PRRC2B: variants seen among roughly 807,000 people sequenced by gnomAD.
PRRC2B encodes protein PRRC2B.
PRRC2B carries 68 observed loss-of-function variants against 242.3 expected under a neutral mutation model. That is an observed-to-expected ratio of 0.28 (90% CI 0.23 to 0.34). PRRC2B has a LOEUF of 0.34. Among genes scored for constraint, PRRC2B ranks in the 10% least tolerant of loss-of-function variants. The pLI, the probability that PRRC2B is intolerant of heterozygous loss-of-function variation, is 1.00. For synonymous variants in PRRC2B, 1,228 were observed against 1,173.6 expected (o/e 1.05, Z -0.95); for missense variants, 2,835 against 2,954.8 (o/e 0.96, Z 0.94).
rs2131494373 is a variant in PRRC2B, at chr9:131,495,999, C to G, written c.*125C>G. 1 of 1,287,008 alleles carries G rather than the reference C, an allele frequency of 7.8e-7. No individual in the cohort carries two copies. The allele number at this position is 1,287,008 out of a possible 1,614,324, so 79.7% of individuals were successfully genotyped here. A position where few individuals can be genotyped will look rare whatever the true frequency, so the allele number is the denominator to read the frequency against. ...AAATGCGTGGCCCAGACTGAGAGAC[C>G]TCCCTCCTCTCCACTCCCGAAAGCT... is the stretch of plus-strand genomic sequence containing the variant. On this transcript the variant is annotated 3_prime_UTR_variant, in exon 32 of 32. Transcript: ENST00000683519.
At chr9:131,415,134 C>T (rs1837613011) in intron 1 of PRRC2B, among the ~76,000 whole-genome samples, 1 of 152,042 alleles carries the variant, frequency 6.6e-6, no homozygotes, top group Non-Finnish European at 1.5e-5. Context: ...GCTGGGACTA[C>T]AGGTGTGCGC....
chr9:131,378,567 G>A (rs1836715018), intron 1 of PRRC2B, among the ~76,000 whole-genome samples: 1 of 152,100 alleles, frequency 6.6e-6, no homozygotes, highest in Non-Finnish European at 1.5e-5. Flanking sequence ...TTTCCCAAGC[G>A]CTCAGCCTCC....
At chr9:131,393,431 G>A (rs987130372), upstream of PRRC2B, among the ~76,000 whole-genome samples, 3 of 152,104 alleles carry the variant, frequency 2.0e-5, no homozygotes, top group Admixed American at 1.3e-4. Flanking sequence ...GCAGTCTCCC[G>A]GACCTTTTGT....
rs200362063 is a variant in PRRC2B at position 131,479,400 on chromosome 9, G to A, written c.4900+7G>A. On this transcript the variant is annotated splice_region_variant and intron_variant, in intron 19 of 31. Transcript: ENST00000683519. ...TGGGAGAGCAGCAGCCAGGGTGAGA[G>A]TTGGGGGTGTGACCCCAGCTGTGGC... is the stretch of plus-strand genomic sequence containing the variant. 6.2e-7 allele frequency: 1 copy of A among 1,612,394 alleles called. No homozygotes were observed. The highest frequency in any genetic ancestry group is 1.3e-5 in the African/African-American group (1 of 75,046).
intron 1 of PRRC2B, among the ~76,000 whole-genome samples, chr9:131,396,320 CTTTTCTTTTT>C (rs1274454588): frequency 5.4e-5 from 7 of 130,550 alleles, no homozygotes; most frequent in Non-Finnish European, 8.1e-5. Context: ...TTTTTCTTTT[CTTTTCTTTTT>C]TTTTTTTTTT....
In PRRC2B at chr9:131,446,531, C is replaced by A. The variant is rs771313786; in HGVS notation, c.744C>A (p.Ser248Arg). The change falls in exon 7 of 32, where the codon AGC becomes AGA. Residue 248 changes from serine to arginine, a missense_variant. Coordinates refer to ENST00000683519, the MANE Select transcript of PRRC2B (RefSeq NM_013318.4). The surrounding 1 kb of genome is among the most constrained non-coding windows in gnomAD (Gnocchi z 4.1). ...GAGCCCCCTCCTCGGCATGTACCAG[C>A]GATTCTAAGGACCCCTCTCTCCGCC... The part of the protein sequence containing the change: ...GDGAPSSACT[S>R]DSKDPSLRPA... 1.9e-6 allele frequency: 3 copies of A among 1,613,900 alleles called. No individual in the cohort carries two copies. In the African/African-American group the frequency reaches 4.0e-5, roughly 22 times the overall value.
chr9:131,388,947 TCTC>T (rs1291895985), intron 1 of PRRC2B, among the ~76,000 whole-genome samples: 1 of 148,848 alleles, frequency 6.7e-6, no homozygotes, highest in Non-Finnish European at 1.5e-5. Flanking sequence ...TTCAACCAAT[TCTC>T]CTGCCTCGTC....
Position 131,495,991 on chromosome 9 carries a change from T to A in PRRC2B, c.*117T>A. On this transcript the variant is annotated 3_prime_UTR_variant, in exon 32 of 32. Transcript: ENST00000683519. Reference sequence around the variant, plus strand: ...CACCGTCCAAATGCGTGGCCCAGACTGAGAGACCTCCCTCCTCTCCACTCC... The same window carrying A: ...CACCGTCCAAATGCGTGGCCCAGACAGAGAGACCTCCCTCCTCTCCACTCC... 1 of 1,383,992 alleles carries A rather than the reference T, an allele frequency of 7.2e-7. No homozygotes were observed. Among genetic ancestry groups the A allele is most frequent in the East Asian group, 2.4e-5 (1 of 41,522 alleles). The allele number at this position is 1,383,992 out of a possible 1,614,324, so 85.7% of individuals were successfully genotyped here.
At chr9:131,447,881 GGC>G in intron 9 of PRRC2B, 77 bp downstream of exon 9, 1 of 1,468,096 alleles carries the variant, frequency 6.8e-7, no homozygotes, top group Non-Finnish European at 9.2e-7. Context: ...GAAACCCCCT[GGC>G]ACCACCGTGT....
chr9:131,475,182 C>T lies in PRRC2B; in HGVS notation c.3053C>T (p.Thr1018Ile). Residue 1018 changes from threonine (T) to isoleucine (I), a missense_variant, in exon 16 of 32, where the codon ACC becomes ATC. This residue lies in a region of PRRC2B where 1,536 missense variants were observed against 1,483.1 expected (regional missense o/e 1.04). Coordinates refer to ENST00000683519, the MANE Select transcript of PRRC2B (RefSeq NM_013318.4). Reference sequence around the variant, plus strand: ...CATGCCACTTTTGGCCGCGAGGCCACCAAATTTGAAGAGGAGGAGAAACCT... The same window carrying T: ...CATGCCACTTTTGGCCGCGAGGCCATCAAATTTGAAGAGGAGGAGAAACCT... The part of the protein sequence containing the change: ...PGHATFGREA[T>I]KFEEEEKPDK... 5 of 1,613,586 alleles carry T rather than the reference C, an allele frequency of 3.1e-6. No homozygotes were observed. The highest frequency in any genetic ancestry group is 4.2e-6 in the Non-Finnish European group (5 of 1,179,770).
In PRRC2B at chr9:131,487,732, G is replaced by T. The variant is rs1002888776; in HGVS notation, c.5985-124G>T. 1.6e-5 allele frequency: 21 copies of T among 1,310,162 alleles called. No homozygotes were observed. The South Asian group carries it at 2.8e-4, about 18-fold the overall frequency. 81.2% of individuals were successfully genotyped at this position (1,310,162 alleles called of 1,614,324 possible). On this transcript the variant is annotated intron_variant, in intron 27 of 31. Coordinates refer to ENST00000683519, the MANE Select transcript of PRRC2B (RefSeq NM_013318.4). This position sits in a 1 kb window ranked among gnomAD's most constrained non-coding sequence, Gnocchi z 5.3. ...GGCCCCATCCTGGACCCTCTGAGTCGCGCTCTGGGGGTGGGGCCGGGGATC... is the reference window on the plus strand; with the variant it reads ...GGCCCCATCCTGGACCCTCTGAGTCTCGCTCTGGGGGTGGGGCCGGGGATC...
intron 16 of PRRC2B, 72 bp downstream of exon 16, chr9:131,476,607 C>CATGCCG: frequency 1.6e-5 from 22 of 1,378,876 alleles, no homozygotes; most frequent in Non-Finnish European, 2.1e-5. Flanking sequence ...TTCACGCATG[C>CATGCCG]ATGCCGATGC....
chr9:131,486,233 G>A, intron 26 of PRRC2B, 51 bp downstream of exon 26: 3 of 1,266,820 alleles, frequency 2.4e-6, no homozygotes, highest in South Asian at 1.3e-5. Flanking sequence ...GGAGGAGCCA[G>A]TGCAGGGCGG....
intron 1 of PRRC2B, among the ~76,000 whole-genome samples, chr9:131,424,859 T>G (rs772076739): frequency 6.6e-6 from 1 of 152,306 alleles, no homozygotes; most frequent in South Asian, 2.1e-4. Context: ...TTAATATTTG[T>G]TGGGTGGTTG....
At position 131,496,586 on chromosome 9, in the gene PRRC2B, G is replaced by A. The variant is rs1411993215; in HGVS notation, c.*712G>A. ...CATTCTGGTGCCTGGCTCCCCGCCT[G>A]GGAAGCGATGGGGTGCTCAGAGCAG... On this transcript the variant is annotated 3_prime_UTR_variant, in exon 32 of 32. Transcript: ENST00000683519. The A allele has an allele frequency of 6.6e-6, 1 of 151,998 alleles. No individual in the cohort carries two copies. The highest frequency in any genetic ancestry group is 1.5e-5 in the Non-Finnish European group (1 of 67,996). 9.4% of individuals were successfully genotyped at this position (151,998 alleles called of 1,614,324 possible).
Position 131,483,241 on chromosome 9 carries a change from G to A in PRRC2B, c.5374-118G>A, listed in dbSNP as rs537802009. On this transcript the variant is annotated intron_variant, in intron 22 of 31. Coordinates refer to ENST00000683519, the MANE Select transcript of PRRC2B (RefSeq NM_013318.4). ...CATCTCGCTCATATGTGGCTCCAGT[G>A]AATGCTGCTCAGTGGAGTTTTTGAG... The A allele has an allele frequency of 2.1e-4, 204 of 972,092 alleles. 1 individual carries two copies. In the African/African-American group the frequency reaches 3.1e-3, roughly 15 times the overall value. 60.2% of individuals were successfully genotyped at this position (972,092 alleles called of 1,614,324 possible).
At chr9:131,416,114 C>CTTTCTTT (rs1554758217) in intron 1 of PRRC2B, among the ~76,000 whole-genome samples, 10 of 145,258 alleles carry the variant, frequency 6.9e-5, no homozygotes, top group African/African-American at 2.5e-4. Flanking sequence ...TCTTTTCTTT[C>CTTTCTTT]TTTTTTTTTT....
rs755997324 is a variant in PRRC2B at position 131,482,821 on chromosome 9, G to A, written c.5287G>A (p.Ala1763Thr). 1.9e-6 allele frequency: 3 copies of A among 1,609,340 alleles called. No individual in the cohort carries two copies. In the South Asian group the frequency reaches 3.3e-5, roughly 18 times the overall value. ...GSEGAERLQG[A>T]VVPPVNGVEI... Reference sequence around the variant, plus strand: ...GGAGGGGGCCGAGCGGCTGCAAGGGGCTGTCGTCCCGCCTGTTAACGGGGT... The same window carrying A: ...GGAGGGGGCCGAGCGGCTGCAAGGGACTGTCGTCCCGCCTGTTAACGGGGT... The change falls in exon 22 of 32, where the codon GCT (alanine) becomes ACT (threonine). Residue 1763 changes from alanine (A) to threonine (T), a missense_variant. Ala to Thr is a moderately conservative substitution (Grantham distance 58, BLOSUM62 0). Around this residue, in one of 7 missense-constraint regions of PRRC2B, gnomAD observed 574 missense variants for 626.0 expected, o/e 0.92. Transcript: ENST00000683519. This position sits in a 1 kb window ranked among gnomAD's most constrained non-coding sequence, Gnocchi z 5.2.
chr9:131,495,990 C>A lies in PRRC2B; in HGVS notation c.*116C>A. 7.2e-7 allele frequency: 1 copy of A among 1,381,964 alleles called. No individual in the cohort carries two copies. The highest frequency in any genetic ancestry group is 9.8e-7 in the Non-Finnish European group (1 of 1,020,956). The allele number at this position is 1,381,964 out of a possible 1,614,324, so 85.6% of individuals were successfully genotyped here. A position where few individuals can be genotyped will look rare whatever the true frequency, so the allele number is the denominator to read the frequency against. On this transcript the variant is annotated 3_prime_UTR_variant, in exon 32 of 32. Transcript: ENST00000683519. Reference sequence around the variant, plus strand: ...CCACCGTCCAAATGCGTGGCCCAGACTGAGAGACCTCCCTCCTCTCCACTC... The same window carrying A: ...CCACCGTCCAAATGCGTGGCCCAGAATGAGAGACCTCCCTCCTCTCCACTC...
Sources: gnomAD v4.1 joint callset for allele counts (sites outside exome capture counted in the v4.1 genomes callset) on GRCh38, gnomAD v4.1.1 for gene constraint, gnomAD v4.1.1 regional missense constraint, Gnocchi (gnomAD v3.1) non-coding constraint, MANE v1.5 for transcripts, NCBI Gene and HGNC (gene_info 2026-07-23, HGNC 2026-07-21) for gene names.